Variants in ZNF391 observed in about 807,000 individuals in gnomAD.
ZNF391 encodes zinc finger protein 391.
For synonymous variants in ZNF391, 126 were observed against 142.1 expected, an observed-to-expected ratio of 0.89 and a Z score of 0.80; for missense variants, 375 against 425.5, an observed-to-expected ratio of 0.88 and a Z score of 1.04.
At chr6:27,380,071 T>C (rs1761474045) in intron 1 of ZNF391, among the ~76,000 whole-genome samples, 1 of 152,218 alleles carries the variant, frequency 6.6e-6, no homozygotes, top group Admixed American at 6.5e-5. Context: ...GGCATAGGGA[T>C]GGTTGCTTGA....
At chr6:27,377,052 C>T (rs6456774) in intron 1 of ZNF391, among the ~76,000 whole-genome samples, 13 of 151,868 alleles carry the variant, frequency 8.6e-5, no homozygotes, top group African/African-American at 2.4e-4. Flanking sequence ...AGGGAATTGT[C>T]AACAACTGAG....
chr6:27,388,712 G>A (rs1236401461), upstream of ZNF391: 1 of 330,664 alleles, frequency 3.0e-6, no homozygotes, highest in Non-Finnish European at 5.8e-6. Context: ...CTGGCTCTCA[G>A]GCGCAAGCGC....
In ZNF391 at chr6:27,374,664, G is replaced by C. The variant is rs1219242456; in HGVS notation, n.50G>C. The C allele has an allele frequency of 1.3e-5, 2 of 152,096 alleles. No homozygotes were observed. The highest frequency in any genetic ancestry group is 4.8e-5 in the African/African-American group (2 of 41,410). The allele number at this position is 152,096 out of a possible 1,614,324, so 9.4% of individuals were successfully genotyped here. A position where few individuals can be genotyped will look rare whatever the true frequency, so the allele number is the denominator to read the frequency against. On this transcript the variant is annotated non_coding_transcript_exon_variant, in exon 1 of 3. Transcript: ENST00000477999. This position sits in a 1 kb window ranked among gnomAD's most constrained non-coding sequence, Gnocchi z 5.3. ...GAGTCCCTGGTCCCAGCCAGCGGGA[G>C]CGGCTTCTCCAGTTTGTGGCTCTCG... is the stretch of plus-strand genomic sequence containing the variant.
At chr6:27,382,907 G>T (rs927814779) in intron 1 of ZNF391, among the ~76,000 whole-genome samples, 2 of 152,078 alleles carry the variant, frequency 1.3e-5, no homozygotes, top group East Asian at 3.9e-4. Context: ...ATCACTTGGG[G>T]TCAGGAGGTC....
intron 1 of ZNF391, among the ~76,000 whole-genome samples, chr6:27,396,613 C>G (rs2113657086): frequency 6.6e-6 from 1 of 152,124 alleles, no homozygotes; most frequent in East Asian, 1.9e-4. Context: ...GTAGTCCCAG[C>G]TACTTAGGAG....
At chr6:27,384,232 G>A (rs965861170), upstream of ZNF391, among the ~76,000 whole-genome samples, 4 of 152,102 alleles carry the variant, frequency 2.6e-5, no homozygotes, top group Non-Finnish European at 5.9e-5. Flanking sequence ...GGGAGGCTGA[G>A]GTGGGCAGAT....
intron 1 of ZNF391, among the ~76,000 whole-genome samples, chr6:27,391,650 A>T (rs753093833): frequency 1.5e-4 from 23 of 152,216 alleles, no homozygotes; most frequent in Non-Finnish European, 2.6e-4. Flanking sequence ...TCCATATTCC[A>T]CATGAGTTAA....
At chr6:27,394,281 C>G (rs1319566215) in intron 1 of ZNF391, among the ~76,000 whole-genome samples, 1 of 152,208 alleles carries the variant, frequency 6.6e-6, no homozygotes, top group Non-Finnish European at 1.5e-5. Flanking sequence ...AGAGCCAGAT[C>G]CTGGGTCCCA....
chr6:27,388,999 G>C lies in ZNF391; in HGVS notation c.-264G>C, dbSNP rs2113646230. 2.2e-6 allele frequency: 1 copy of C among 456,496 alleles called. No homozygotes were observed. The highest frequency in any genetic ancestry group is 1.5e-5 in the South Asian group (1 of 64,540). 28.3% of individuals were successfully genotyped at this position (456,496 alleles called of 1,614,324 possible). On this transcript the variant is annotated 5_prime_UTR_variant, in exon 1 of 3. Transcript: ENST00000244576. ...GCACTCAGGTTCCGCTCCAAGTGCGGGACCCGCCCGGGGTGTGTCGGGGGT... is the reference window on the plus strand; with the variant it reads ...GCACTCAGGTTCCGCTCCAAGTGCGCGACCCGCCCGGGGTGTGTCGGGGGT...
intron 1 of ZNF391, among the ~76,000 whole-genome samples, chr6:27,398,438 TC>T (rs5875138): frequency 0.077 from 11,667 of 152,214 alleles, 544 homozygotes; most frequent in Middle Eastern, 0.18. Flanking sequence ...AGGTTGGTGT[TC>T]CAGGAGAGGT....
At chr6:27,389,170 A>C (rs1369221585) in intron 1 of ZNF391, 95 bp downstream of exon 1, 1 of 456,668 alleles carries the variant, frequency 2.2e-6, no homozygotes, top group Admixed American at 2.3e-5. Flanking sequence ...AGGTCGGGTC[A>C]GGAGGCACCT....
At position 27,401,925 on chromosome 6, in the gene ZNF391, C is replaced by G. The variant is rs13207689; in HGVS notation, c.*478C>G. 9,605 of 154,126 alleles carry G rather than the reference C, an allele frequency of 0.062. 372 individuals carry two copies. Among genetic ancestry groups the G allele is most frequent in the Non-Finnish European group, 0.085 (5,855 of 69,276 alleles). The allele number at this position is 154,126 out of a possible 1,614,324, so 9.5% of individuals were successfully genotyped here. A position where few individuals can be genotyped will look rare whatever the true frequency, so the allele number is the denominator to read the frequency against. On this transcript the variant is annotated 3_prime_UTR_variant, in exon 3 of 3. Transcript: ENST00000244576. Reference sequence around the variant, plus strand: ...GTGTGTGTGTCTTCATACTTGCTGGCTCTAGTACCAGAAGAGAGGGATCTG... The same window carrying G: ...GTGTGTGTGTCTTCATACTTGCTGGGTCTAGTACCAGAAGAGAGGGATCTG...
intron 1 of ZNF391, among the ~76,000 whole-genome samples, chr6:27,391,374 T>G (rs1262518999): frequency 6.6e-6 from 1 of 151,864 alleles, no homozygotes; most frequent in Non-Finnish European, 1.5e-5. Flanking sequence ...CCCAGCTAAT[T>G]TTTTTGTATT....
At chr6:27,378,298 T>A (rs1346324584) in intron 1 of ZNF391, among the ~76,000 whole-genome samples, 1 of 152,200 alleles carries the variant, frequency 6.6e-6, no homozygotes, top group East Asian at 1.9e-4. Context: ...AGGCTTTGTG[T>A]GAGCAATAAA....
At chr6:27,378,474 G>C (rs9461369) in intron 1 of ZNF391, among the ~76,000 whole-genome samples, 4,379 of 152,182 alleles carry the variant, frequency 0.029, 71 homozygotes, top group Non-Finnish European at 0.032. Flanking sequence ...GGTGCTCAGT[G>C]GGGGAGATTT....
intron 1 of ZNF391, chr6:27,390,975 C>T (rs1761695575): frequency 6.6e-6 from 1 of 152,068 alleles, no homozygotes; most frequent in Non-Finnish European, 1.5e-5. Flanking sequence ...TATTTTGACC[C>T]TCAGGAAGAA....
At chr6:27,399,107 T>G (rs953463612) in intron 1 of ZNF391, among the ~76,000 whole-genome samples, 1 of 152,194 alleles carries the variant, frequency 6.6e-6, no homozygotes, top group Non-Finnish European at 1.5e-5. Context: ...ACATTCAACT[T>G]GTCAAGTCAC....
Position 27,400,297 on chromosome 6 carries a change from G to C in ZNF391, c.-74G>C. Reference sequence around the variant, plus strand: ...TACACTTTAAATGTCTTTCAGATAGGGGGATTTGAGCTGAACCAAAGCATC... The same window carrying C: ...TACACTTTAAATGTCTTTCAGATAGCGGGATTTGAGCTGAACCAAAGCATC... On this transcript the variant is annotated 5_prime_UTR_variant, in exon 3 of 3. Transcript: ENST00000244576. 8.5e-7 allele frequency: 1 copy of C among 1,173,946 alleles called. No individual in the cohort carries two copies. The highest frequency in any genetic ancestry group is 1.2e-6 in the Non-Finnish European group (1 of 824,282). 72.7% of individuals were successfully genotyped at this position (1,173,946 alleles called of 1,614,324 possible).
At chr6:27,400,260 A>C in intron 2 of ZNF391, 33 bp from the exon 3 acceptor site, 3 of 895,830 alleles carry the variant, frequency 3.3e-6, no homozygotes, top group Non-Finnish European at 5.2e-6. Context: ...CATAGTAGAT[A>C]CAGATGACAT....
Sources: gnomAD v4.1 joint callset for allele counts (sites outside exome capture counted in the v4.1 genomes callset) on GRCh38, gnomAD v4.1.1 for gene constraint, Gnocchi (gnomAD v3.1) non-coding constraint, MANE v1.5 for transcripts, NCBI Gene and HGNC (gene_info 2026-07-23, HGNC 2026-07-21) for gene names.